The following CAMK2D variants were observed in gnomAD, a reference collection of about 807,000 sequenced individuals.
CAMK2D encodes calcium/calmodulin dependent protein kinase II delta, also known as calcium/calmodulin-dependent protein kinase type II subunit delta.
A neutral mutation model predicts 84.0 loss-of-function variants in CAMK2D; 37 were observed. That is an observed-to-expected ratio of 0.44 (90% CI 0.34 to 0.58). CAMK2D has a LOEUF of 0.58. CAMK2D is among the 20% of genes least tolerant of loss of function. CAMK2D has a pLI of 0.02. For missense variants in CAMK2D, 448 were observed against 652.5 expected (o/e 0.69, Z 3.41); for synonymous variants, 202 against 212.5 (o/e 0.95, Z 0.43).
chr4:113,647,411 T>C (rs1035401716), intron 3 of CAMK2D, among the ~76,000 whole-genome samples: 11 of 152,220 alleles, frequency 7.2e-5, no homozygotes, highest in African/African-American at 2.7e-4. Context: ...AAAAAGAAAA[T>C]TGCATGGCCC....
intron 3 of CAMK2D, among the ~76,000 whole-genome samples, chr4:113,657,741 T>C (rs765922454): frequency 6.6e-5 from 10 of 152,156 alleles, no homozygotes; most frequent in Non-Finnish European, 1.2e-4. Context: ...ACCTTTTGCT[T>C]GCTGCAAGTT....
At chr4:113,514,136 C>G (rs2098253639) in intron 10 of CAMK2D, among the ~76,000 whole-genome samples, 1 of 152,148 alleles carries the variant, frequency 6.6e-6, no homozygotes, top group African/African-American at 2.4e-5. Flanking sequence ...AGAAATGGGC[C>G]GGGCGCGGTG....
Position 113,663,522 on chromosome 4 carries a change from G to T in CAMK2D, c.161-1750C>A, listed in dbSNP as rs143745224. Among the ~76,000 whole-genome samples the T allele has an allele frequency of 3.2e-3, 493 of 152,048 alleles. 5 individuals are homozygous for T. Among genetic ancestry groups the T allele is most frequent in the African/African-American group, 0.01 (435 of 41,472 alleles). ...AAGAATCACTTGAACCCGGGAGATGGATGTTGCAGTGTGCTAAGAACGTGC... is the reference window on the plus strand; with the variant it reads ...AAGAATCACTTGAACCCGGGAGATGTATGTTGCAGTGTGCTAAGAACGTGC... On this transcript the variant is annotated intron_variant, in intron 2 of 20. Transcript: ENST00000511664.
At chr4:113,615,887 G>A (rs528295182) in intron 3 of CAMK2D, among the ~76,000 whole-genome samples, 1 of 152,190 alleles carries the variant, frequency 6.6e-6, no homozygotes, top group South Asian at 2.1e-4. Flanking sequence ...AAATGAAGTG[G>A]TCAGGCTTAG....
chr4:113,677,516 T>C, intron 2 of CAMK2D: 1 of 935,860 alleles, frequency 1.1e-6, no homozygotes, highest in African/African-American at 1.8e-5. Context: ...ACTTCCTTCT[T>C]GAAGGAACTT....
intron 8 of CAMK2D, among the ~76,000 whole-genome samples, chr4:113,518,511 A>G (rs2098315136): frequency 6.6e-6 from 1 of 152,144 alleles, no homozygotes; most frequent in African/African-American, 2.4e-5. Flanking sequence ...CTTCTCTGTC[A>G]TCAAATATCT....
intron 2 of CAMK2D, among the ~76,000 whole-genome samples, chr4:113,737,575 C>T (rs142499443): frequency 2.6e-5 from 4 of 151,956 alleles, no homozygotes; most frequent in African/African-American, 4.8e-5. Context: ...GAAAGTTGTA[C>T]GACGATGTGA....
intron 16 of CAMK2D, among the ~76,000 whole-genome samples, chr4:113,477,478 G>A (rs2097644285): frequency 6.7e-6 from 1 of 150,372 alleles, no homozygotes; most frequent in Admixed American, 6.6e-5. Flanking sequence ...AGGTGCAGTG[G>A]CCCATGCCTG....
intron 8 of CAMK2D, among the ~76,000 whole-genome samples, chr4:113,518,738 G>T (rs7700110): frequency 6.6e-6 from 1 of 151,894 alleles, no homozygotes; most frequent in African/African-American, 2.4e-5. Context: ...TATCCAAGGT[G>T]GTCTCTTGGT....
chr4:113,535,049 A>G (rs2098480488), intron 7 of CAMK2D, among the ~76,000 whole-genome samples: 1 of 152,198 alleles, frequency 6.6e-6, no homozygotes, highest in Non-Finnish European at 1.5e-5. Context: ...ATCATCAAAC[A>G]TAGCTGCTGA....
chr4:113,607,599 G>A (rs996039961), intron 4 of CAMK2D, among the ~76,000 whole-genome samples: 2 of 151,784 alleles, frequency 1.3e-5, no homozygotes, highest in Non-Finnish European at 2.9e-5. Context: ...GCTCCCCACC[G>A]AGCACCCTGT....
intron 4 of CAMK2D, among the ~76,000 whole-genome samples, chr4:113,571,591 C>T (rs546807920): frequency 9.2e-5 from 14 of 152,062 alleles, no homozygotes; most frequent in African/African-American, 1.4e-4. Flanking sequence ...AAGTCAAACT[C>T]GGCTGGGCGC....
At chr4:113,647,919 G>A (rs6848142) in intron 3 of CAMK2D, among the ~76,000 whole-genome samples, 9,522 of 152,252 alleles carry the variant, frequency 0.063, 530 homozygotes, top group East Asian at 0.21. Flanking sequence ...TTTTATCAGA[G>A]TTCTCTTAGA....
rs536553223 is a variant in CAMK2D, at chr4:113,556,275, G to A, written c.276-4179C>T. The stretch of plus-strand genomic sequence containing the variant: ...GAACACACACAAAAGAAAGGAAAAG[G>A]ACTAGCTTTTTCTTGTCTGTGCTGC... On this transcript the variant is annotated intron_variant, in intron 4 of 20. Coordinates refer to ENST00000511664, the MANE Select transcript of CAMK2D (RefSeq NM_001321571.2). 2.0e-4 allele frequency among the ~76,000 whole-genome samples: 30 copies of A among 152,278 alleles called. 1 individual carries two copies. The East Asian group carries it at 5.6e-3, about 28-fold the overall frequency.
intron 17 of CAMK2D, among the ~76,000 whole-genome samples, chr4:113,463,025 T>G (rs138574930): frequency 6.6e-6 from 1 of 152,286 alleles, no homozygotes; most frequent in East Asian, 1.9e-4. Context: ...TTAACTCCAA[T>G]TTTTACTATT....
chr4:113,462,090 A>T (rs1416254594), intron 17 of CAMK2D, among the ~76,000 whole-genome samples: 2 of 152,202 alleles, frequency 1.3e-5, no homozygotes, highest in East Asian at 3.8e-4. Flanking sequence ...TCCTATGGTA[A>T]CAAGAATTTA....
chr4:113,593,926 T>C (rs557088607), intron 4 of CAMK2D, among the ~76,000 whole-genome samples: 14 of 152,214 alleles, frequency 9.2e-5, no homozygotes, highest in East Asian at 5.8e-4. Flanking sequence ...CTTTTTTTTT[T>C]CCTAACCTAG....
chr4:113,669,795 G>A (rs1433481334), intron 2 of CAMK2D, among the ~76,000 whole-genome samples: 2 of 152,180 alleles, frequency 1.3e-5, no homozygotes, highest in East Asian at 1.9e-4. Context: ...CATAAGAAGA[G>A]GAGAGTGGTA....
At chr4:113,604,410 AC>A (rs2098968996) in intron 4 of CAMK2D, among the ~76,000 whole-genome samples, 1 of 152,152 alleles carries the variant, frequency 6.6e-6, no homozygotes, top group Non-Finnish European at 1.5e-5. Flanking sequence ...GAAAATGCAT[AC>A]TTTTAACCAT....
Sources: gnomAD v4.1 joint callset for allele counts (sites outside exome capture counted in the v4.1 genomes callset) on GRCh38, gnomAD v4.1.1 for gene constraint, MANE v1.5 for transcripts, NCBI Gene and HGNC (gene_info 2026-07-23, HGNC 2026-07-21) for gene names.